The following ADK variants were observed in gnomAD, a reference collection of about 807,000 sequenced individuals.
ADK encodes the protein adenosine kinase.
In ADK, 24 loss-of-function variants were observed where a neutral mutation model predicts 44.7. The ratio of observed to expected loss-of-function variants is 0.54; its 90% CI spans 0.39 to 0.76. The LOEUF (loss-of-function observed/expected upper bound fraction) is 0.76, where lower values mean the gene tolerates loss of function less well. Ranked by LOEUF, ADK falls within the 30% of genes least tolerant of loss-of-function variation. ADK has a pLI of 0.00. For synonymous variants in ADK, 128 were observed against 142.6 expected (o/e 0.90, Z 0.73); for missense variants, 321 against 425.1 (o/e 0.76, Z 2.15).
intron 4 of ADK, among the ~76,000 whole-genome samples, chr10:74,364,006 A>G (rs1472985128): frequency 6.6e-6 from 1 of 152,172 alleles, no homozygotes; most frequent in African/African-American, 2.4e-5. Flanking sequence ...TGTCTCATTG[A>G]CTCAGAGACA....
At chr10:74,660,963 C>T (rs529336225) in intron 9 of ADK, among the ~76,000 whole-genome samples, 4 of 150,106 alleles carry the variant, frequency 2.7e-5, no homozygotes, top group South Asian at 2.1e-4. Flanking sequence ...ACTCAGGAGG[C>T]GGAGGTTGCA....
At chr10:74,383,117 A>G (rs1293970388) in intron 4 of ADK, among the ~76,000 whole-genome samples, 1 of 152,080 alleles carries the variant, frequency 6.6e-6, no homozygotes, top group Non-Finnish European at 1.5e-5. Context: ...ATACTGCTAC[A>G]ATAATTACAA....
intron 4 of ADK, among the ~76,000 whole-genome samples, chr10:74,355,103 G>A (rs1013023027): frequency 6.6e-6 from 1 of 152,024 alleles, no homozygotes; most frequent in Non-Finnish European, 1.5e-5. Flanking sequence ...CTAGAACTAC[G>A]GGCATGAGAC....
At chr10:74,640,834 T>C (rs956282474) in intron 9 of ADK, among the ~76,000 whole-genome samples, 1 of 152,242 alleles carries the variant, frequency 6.6e-6, no homozygotes, top group African/African-American at 2.4e-5. Context: ...GTTAATGTAA[T>C]GGGAATGTCA....
intron 3 of ADK, among the ~76,000 whole-genome samples, chr10:74,303,421 C>T (rs1840127928): frequency 6.6e-6 from 1 of 151,906 alleles, no homozygotes; most frequent in African/African-American, 2.4e-5. Context: ...TTATCATCTA[C>T]CCTTCAGGCT....
chr10:74,387,214 C>T (rs903664623), intron 4 of ADK, among the ~76,000 whole-genome samples: 5 of 152,172 alleles, frequency 3.3e-5, no homozygotes, highest in African/African-American at 7.2e-5. Context: ...GGATTACAGG[C>T]GTGAGCCACT....
chr10:74,693,206 TA>T (rs1285562799), intron 10 of ADK, among the ~76,000 whole-genome samples: 2 of 152,178 alleles, frequency 1.3e-5, no homozygotes, highest in East Asian at 3.8e-4. Context: ...ATACACCCAC[TA>T]ACTAATGTAA....
chr10:74,324,719 T>C (rs957028497), intron 4 of ADK, among the ~76,000 whole-genome samples: 3 of 152,230 alleles, frequency 2.0e-5, no homozygotes, highest in Non-Finnish European at 2.9e-5. Flanking sequence ...GCAGTAAATA[T>C]GGACGTGCAG....
At chr10:74,284,179 C>T (rs893861789) in intron 3 of ADK, among the ~76,000 whole-genome samples, 5 of 149,514 alleles carry the variant, frequency 3.3e-5, no homozygotes, top group African/African-American at 1.2e-4. Context: ...AGGCTGGTCT[C>T]GAACTCCCGA....
At chr10:74,295,506 G>C (rs777240085) in intron 3 of ADK, among the ~76,000 whole-genome samples, 1 of 151,918 alleles carries the variant, frequency 6.6e-6, no homozygotes, top group Non-Finnish European at 1.5e-5. Context: ...TCTGTACTCA[G>C]GGCTATGACA....
intron 6 of ADK, among the ~76,000 whole-genome samples, chr10:74,472,982 TTTTG>T (rs972210373): frequency 7.9e-5 from 12 of 152,120 alleles, no homozygotes; most frequent in African/African-American, 2.4e-4. Context: ...GGGGGGCAGA[TTTTG>T]TTTGTTTGTT....
intron 10 of ADK, among the ~76,000 whole-genome samples, chr10:74,687,716 G>A (rs1855844318): frequency 6.6e-6 from 1 of 152,134 alleles, no homozygotes; most frequent in African/African-American, 2.4e-5. Context: ...CGCCCTTCCT[G>A]AGTCCTTCCA....
Position 74,271,042 on chromosome 10 carries a change from T to C in ADK, c.195-43625T>C, listed in dbSNP as rs115492387. Among the ~76,000 whole-genome samples the C allele has an allele frequency of 1.7e-3, 265 of 152,316 alleles. 1 individual carries two copies. Among genetic ancestry groups the C allele is most frequent in the African/African-American group, 5.4e-3 (224 of 41,582 alleles). On this transcript the variant is annotated intron_variant, in intron 3 of 10. Transcript: ENST00000539909. ...TAATAGAATGCATATAGCGGTAATG[T>C]AGTCTTCTATTTGGCAGGAATATAT...
chr10:74,697,917 G>A (rs1042452951), intron 10 of ADK, among the ~76,000 whole-genome samples: 2 of 152,240 alleles, frequency 1.3e-5, no homozygotes, highest in Non-Finnish European at 2.9e-5. Context: ...TATGTTTCAG[G>A]TCTCATGTCA....
intron 7 of ADK, among the ~76,000 whole-genome samples, chr10:74,546,533 G>A (rs1050451320): frequency 1.3e-5 from 2 of 151,982 alleles, no homozygotes; most frequent in African/African-American, 4.8e-5. Context: ...CTTTATTTCT[G>A]TATATAATAG....
intron 6 of ADK, among the ~76,000 whole-genome samples, chr10:74,437,877 T>C (rs1055566897): frequency 1.3e-5 from 2 of 152,208 alleles, no homozygotes; most frequent in African/African-American, 4.8e-5. Context: ...TTATTCTAGT[T>C]CTTTCTCATT....
chr10:74,344,239 TTGTG>T (rs1841683379), intron 4 of ADK, among the ~76,000 whole-genome samples: 1 of 152,156 alleles, frequency 6.6e-6, no homozygotes, highest in African/African-American at 2.4e-5. Context: ...TTAGAAGAGT[TTGTG>T]GAGAATTGGT....
At chr10:74,212,161 T>A (rs1843838230) in intron 2 of ADK, among the ~76,000 whole-genome samples, 1 of 152,238 alleles carries the variant, frequency 6.6e-6, no homozygotes. Context: ...TTATGGATAC[T>A]AAATGAACAC....
At chr10:74,542,168 G>A (rs1002750757) in intron 7 of ADK, among the ~76,000 whole-genome samples, 7 of 152,168 alleles carry the variant, frequency 4.6e-5, no homozygotes, top group Non-Finnish European at 8.8e-5. Flanking sequence ...TTGAGCCCAG[G>A]AGGTCACATG....
Sources: gnomAD v4.1 joint callset for allele counts (sites outside exome capture counted in the v4.1 genomes callset) on GRCh38, gnomAD v4.1.1 for gene constraint, MANE v1.5 for transcripts, NCBI Gene and HGNC (gene_info 2026-07-23, HGNC 2026-07-21) for gene names.